Variants in CEP112 observed in about 807,000 individuals in gnomAD.
CEP112 encodes the protein centrosomal protein of 112 kDa.
CEP112 carries 127 observed loss-of-function variants against 153.0 expected under a neutral mutation model. The ratio of observed to expected loss-of-function variants is 0.83; its 90% CI spans 0.72 to 0.96. CEP112 has a LOEUF of 0.96. CEP112 is among the 40% of genes least tolerant of loss of function. CEP112 has a pLI of 0.00. For missense variants in CEP112, 1,089 were observed against 1,101.2 expected, an observed-to-expected ratio of 0.99 and a Z score of 0.16; for synonymous variants, 358 against 374.4, an observed-to-expected ratio of 0.96 and a Z score of 0.51.
intron 18 of CEP112, among the ~76,000 whole-genome samples, chr17:65,936,405 T>G (rs921766010): frequency 6.6e-6 from 1 of 152,160 alleles, no homozygotes; most frequent in East Asian, 1.9e-4. Context: ...GAGGGAATAT[T>G]TCCAAACTCA....
chr17:65,644,153 G>T (rs2045305249), intron 24 of CEP112, among the ~76,000 whole-genome samples: 1 of 152,170 alleles, frequency 6.6e-6, no homozygotes, highest in South Asian at 2.1e-4. Context: ...CAGCCTTCAC[G>T]AACAATTCAA....
At chr17:66,170,585 T>C (rs931246117) in intron 4 of CEP112, among the ~76,000 whole-genome samples, 1 of 151,756 alleles carries the variant, frequency 6.6e-6, no homozygotes, top group Non-Finnish European at 1.5e-5. Flanking sequence ...GCCAACATGG[T>C]GAAACCATGT....
At chr17:66,133,182 G>A (rs1346721206) in intron 4 of CEP112, among the ~76,000 whole-genome samples, 1 of 151,626 alleles carries the variant, frequency 6.6e-6, no homozygotes, top group Admixed American at 6.6e-5. Flanking sequence ...CCACAGACTT[G>A]CTTATGCAAA....
intron 6 of CEP112, among the ~76,000 whole-genome samples, chr17:66,114,179 G>A (rs1424132616): frequency 6.6e-6 from 1 of 152,172 alleles, no homozygotes; most frequent in Non-Finnish European, 1.5e-5. Context: ...CAGGCAAATA[G>A]AATCGCAATA....
chr17:65,812,294 C>T (rs1302655891), intron 21 of CEP112, among the ~76,000 whole-genome samples: 1 of 152,246 alleles, frequency 6.6e-6, no homozygotes, highest in African/African-American at 2.4e-5. Flanking sequence ...TAAGCCACCG[C>T]ACCCGGCCTA....
chr17:65,936,078 T>C (rs921658091), intron 18 of CEP112, among the ~76,000 whole-genome samples: 2 of 152,082 alleles, frequency 1.3e-5, no homozygotes, highest in African/African-American at 4.8e-5. Flanking sequence ...AAATCGATAA[T>C]ATAGAAACAC....
chr17:66,000,060 C>T (rs1391008434), intron 17 of CEP112, among the ~76,000 whole-genome samples: 2 of 151,936 alleles, frequency 1.3e-5, no homozygotes, highest in Non-Finnish European at 2.9e-5. Flanking sequence ...TAATAGAACA[C>T]GATTTTCTAT....
intron 14 of CEP112, 97 bp downstream of exon 14, chr17:66,029,026 T>G (rs2065344650): frequency 3.2e-6 from 3 of 941,780 alleles, no homozygotes; most frequent in Non-Finnish European, 4.7e-6. Context: ...AAAGAGAGAT[T>G]AATTTCAAAT....
chr17:65,692,332 G>A (rs771168227), intron 23 of CEP112, among the ~76,000 whole-genome samples: 7 of 150,350 alleles, frequency 4.7e-5, no homozygotes, highest in African/African-American at 1.5e-4. Flanking sequence ...GGGTTCAAGC[G>A]ATTCTCCTGC....
intron 22 of CEP112, among the ~76,000 whole-genome samples, chr17:65,748,475 A>G (rs965394276): frequency 2.6e-5 from 4 of 152,122 alleles, no homozygotes; most frequent in African/African-American, 9.7e-5. Context: ...CTGAAGCAAT[A>G]ATTTGTTCCA....
At chr17:65,891,214 G>A (rs550028616) in intron 20 of CEP112, among the ~76,000 whole-genome samples, 1 of 152,254 alleles carries the variant, frequency 6.6e-6, no homozygotes, top group African/African-American at 2.4e-5. Flanking sequence ...TATAGAGCCA[G>A]TAAATGATAG....
intron 21 of CEP112, among the ~76,000 whole-genome samples, chr17:65,771,343 A>G (rs191704659): frequency 2.4e-4 from 37 of 152,290 alleles, no homozygotes; most frequent in African/African-American, 7.9e-4. Context: ...TGATCTAACA[A>G]TCCTAAATAT....
At chr17:65,863,011 T>G (rs963036802) in intron 20 of CEP112, among the ~76,000 whole-genome samples, 1 of 152,122 alleles carries the variant, frequency 6.6e-6, no homozygotes, top group Non-Finnish European at 1.5e-5. Context: ...GAATAACATA[T>G]TAGTAGTTCT....
At chr17:65,735,708 T>C (rs1173923124) in intron 23 of CEP112, among the ~76,000 whole-genome samples, 2 of 152,158 alleles carry the variant, frequency 1.3e-5, no homozygotes, top group East Asian at 3.9e-4. Flanking sequence ...TGTTAAAGCC[T>C]TGTTTTGTGT....
chr17:66,177,083 A>G, intron 2 of CEP112, 63 bp from the exon 3 acceptor site: 1 of 1,337,986 alleles, frequency 7.5e-7, no homozygotes, highest in East Asian at 2.4e-5. Context: ...TCAATTACAA[A>G]GACCTATAAT....
chr17:65,639,855 G>C (rs973455480), intron 25 of CEP112, among the ~76,000 whole-genome samples: 4 of 16,424 alleles, frequency 2.4e-4, no homozygotes, highest in African/African-American at 9.4e-4. Context: ...TTTTTTTTTT[G>C]AGACGGAGTC....
chr17:65,978,396 G>A (rs1209520532), intron 17 of CEP112, among the ~76,000 whole-genome samples: 1 of 152,252 alleles, frequency 6.6e-6, no homozygotes, highest in African/African-American at 2.4e-5. Flanking sequence ...AAAGAGCAAT[G>A]AAGTAGGACT....
At chr17:65,829,931 T>A (rs976021326) in intron 21 of CEP112, among the ~76,000 whole-genome samples, 2 of 152,222 alleles carry the variant, frequency 1.3e-5, no homozygotes, top group African/African-American at 4.8e-5. Context: ...AGACACCCTA[T>A]TAATGGTAAG....
intron 6 of CEP112, among the ~76,000 whole-genome samples, chr17:66,116,426 T>A (rs922608713): frequency 6.6e-6 from 1 of 152,182 alleles, no homozygotes; most frequent in African/African-American, 2.4e-5. Flanking sequence ...ATATTTTGGC[T>A]TTGTTTTTTT....
Sources: allele counts gnomAD v4.1 joint callset (sites outside exome capture counted in the v4.1 genomes callset), GRCh38; gene constraint gnomAD v4.1.1; transcripts MANE v1.5; gene names NCBI Gene and HGNC (gene_info 2026-07-23, HGNC 2026-07-21).